The following ANKS3 variants were observed in gnomAD, a reference collection of about 807,000 sequenced individuals.
ANKS3 encodes ankyrin repeat and SAM domain-containing protein 3.
A neutral mutation model predicts 80.7 loss-of-function variants in ANKS3; 62 were observed. The ratio of observed to expected loss-of-function variants is 0.77; its 90% CI spans 0.63 to 0.95. The LOEUF is 0.95. ANKS3 is among the 40% of genes least tolerant of loss of function. The pLI is 0.00. For synonymous variants in ANKS3, 489 were observed against 355.3 expected (o/e 1.38, Z -4.23); for missense variants, 1,150 against 883.6 (o/e 1.30, Z -3.82).
chr16:4,698,675 G>A, intron 13 of ANKS3, 76 bp from the exon 14 acceptor site: 3 of 1,525,672 alleles, frequency 2.0e-6, no homozygotes, highest in Non-Finnish European at 2.6e-6. Context: ...GCCCTGTCCT[G>A]TGTGTGGGGC....
At chr16:4,726,031 A>C (rs1596450928) in intron 5 of ANKS3, among the ~76,000 whole-genome samples, 2 of 145,854 alleles carry the variant, frequency 1.4e-5, no homozygotes, top group East Asian at 4.0e-4. Context: ...GCTGGAGTGC[A>C]GTGGTGCAAT....
chr16:4,699,018 G>C (rs568684634), intron 12 of ANKS3, 34 bp downstream of exon 12: 1 of 1,614,130 alleles, frequency 6.2e-7, no homozygotes, highest in Non-Finnish European at 8.5e-7. Context: ...CCCCAACCCC[G>C]GGCTGAGGGC....
intron 1 of ANKS3, among the ~76,000 whole-genome samples, chr16:4,732,232 G>A (rs536223084): frequency 6.6e-6 from 1 of 152,132 alleles, no homozygotes; most frequent in African/African-American, 2.4e-5. Context: ...TTGCAGGTGA[G>A]AATCCCACCC....
chr16:4,725,282 C>A (rs532526913), intron 5 of ANKS3, among the ~76,000 whole-genome samples: 21 of 152,304 alleles, frequency 1.4e-4, no homozygotes, highest in Non-Finnish European at 2.4e-4. Context: ...GCTCCTGAAG[C>A]TTGCTTTTCA....
intron 10 of ANKS3, 87 bp downstream of exon 10, chr16:4,701,347 T>C (rs917903292): frequency 7.2e-7 from 1 of 1,384,616 alleles, no homozygotes; most frequent in African/African-American, 1.4e-5. Context: ...GCTTCTTACA[T>C]ACATGCTCAT....
chr16:4,700,903 A>G (rs1170604387), intron 11 of ANKS3, 67 bp downstream of exon 11: 19 of 1,589,500 alleles, frequency 1.2e-5, no homozygotes, highest in Non-Finnish European at 1.6e-5. Flanking sequence ...TATACACAAC[A>G]CATGCCTCCT....
At chr16:4,705,552 C>T (rs1239200605) in intron 7 of ANKS3, among the ~76,000 whole-genome samples, 1 of 152,222 alleles carries the variant, frequency 6.6e-6, no homozygotes, top group African/African-American at 2.4e-5. Flanking sequence ...GCAACCTCCG[C>T]CTCCTGGGTT....
intron 11 of ANKS3, 71 bp downstream of exon 11, chr16:4,700,899 C>CAACA: frequency 6.3e-7 from 1 of 1,584,472 alleles, no homozygotes; most frequent in Non-Finnish European, 8.6e-7. Context: ...GTCATATACA[C>CAACA]AACACATGCC....
intron 2 of ANKS3, among the ~76,000 whole-genome samples, chr16:4,730,940 C>G (rs531454564): frequency 6.6e-6 from 1 of 151,980 alleles, no homozygotes; most frequent in East Asian, 1.9e-4. Context: ...CTAACGGGGA[C>G]ATATCTAAAA....
rs544577604 is a variant in ANKS3 at position 4,714,171 on chromosome 16, C to T, written c.589G>A (p.Ala197Thr). ...YFLNHGVKVD[A>T]RDHSGATARM... is the part of the protein sequence containing the mutation. ...GCTGTGGCTCCACTGTGGTCTCTCG[C>T]GTCCACCTTGACTCCCTGTGAATGT... Residue 197 changes from alanine to threonine, a missense_variant, in exon 7 of 18, where the codon GCG (alanine) becomes ACG (threonine). Physicochemically the swap from Ala to Thr is moderately conservative, Grantham distance 58. Transcript: ENST00000304283. 17 of 1,614,108 alleles carry T rather than the reference C, an allele frequency of 1.1e-5. No homozygotes were observed. The highest frequency in any genetic ancestry group is 1.7e-5 in the Admixed American group (1 of 60,010).
Position 4,734,210 on chromosome 16 carries a change from CCAA to C in ANKS3, c.-346_-344del. ...CTCGGGCTGCCGTCGCCAACCCCCC[CCAA>C]ACAGCTCGCCGCCACGCTCCCTCGC... is the stretch of plus-strand genomic sequence containing the variant. On this transcript the variant is annotated 5_prime_UTR_variant, in exon 1 of 18. Transcript: ENST00000304283. 5.6e-6 allele frequency: 1 copy of C among 179,196 alleles called. No individual in the cohort carries two copies. The highest frequency in any genetic ancestry group is 1.1e-5 in the Non-Finnish European group (1 of 92,576). 11.1% of individuals were successfully genotyped at this position (179,196 alleles called of 1,614,324 possible).
chr16:4,727,095 C>T lies in ANKS3; in HGVS notation c.253G>A (p.Val85Met), dbSNP rs1279008065. The change falls in exon 4 of 18, where the codon GTG (valine) becomes ATG (methionine). Residue 85 changes from valine (V) to methionine (M), a missense_variant. Physicochemically the swap from Val to Met is conservative, Grantham distance 21. Coordinates refer to ENST00000304283, the MANE Select transcript of ANKS3 (RefSeq NM_133450.4). ...ACCCCCGCCTCAAGCAGCAGGTGCA[C>T]GATTGTGTCGTGGCCAATGTAGGAG... ...YASYIGHDTI[V>M]HLLLEAGVSV... The T allele has an allele frequency of 4.3e-6, 7 of 1,614,096 alleles. No homozygotes were observed. Among genetic ancestry groups the T allele is most frequent in the African/African-American group, 1.3e-5 (1 of 74,938 alleles).
intron 7 of ANKS3, among the ~76,000 whole-genome samples, chr16:4,712,681 C>T (rs765069677): frequency 3.9e-5 from 6 of 152,134 alleles, no homozygotes; most frequent in Non-Finnish European, 8.8e-5. Flanking sequence ...GCTAAAATAA[C>T]ATATGCCTTC....
At chr16:4,697,924 G>A (rs2079663047) in intron 15 of ANKS3, 53 bp downstream of exon 15, 2 of 1,439,380 alleles carry the variant, frequency 1.4e-6, no homozygotes, top group Admixed American at 5.5e-5. Flanking sequence ...CCTGGCTTCA[G>A]GGCTCCCCCA....
intron 10 of ANKS3, 106 bp downstream of exon 10, chr16:4,701,328 G>A (rs1434364297): frequency 1.3e-5 from 17 of 1,333,092 alleles, no homozygotes; most frequent in African/African-American, 4.4e-5. Context: ...GCACACACGT[G>A]CAGCAGCTGC....
Position 4,702,096 on chromosome 16 carries a change from A to G in ANKS3, c.1009+6T>C. 1 of 1,579,198 alleles carries G rather than the reference A, an allele frequency of 6.3e-7. No individual in the cohort carries two copies. Among genetic ancestry groups the G allele is most frequent in the East Asian group, 2.3e-5 (1 of 42,766 alleles). On this transcript the variant is annotated splice_donor_region_variant and intron_variant, in intron 9 of 17. Coordinates refer to ENST00000304283, the MANE Select transcript of ANKS3 (RefSeq NM_133450.4). ...CCACGGGCCGGATGGGTGGGGGTGCACGTACCCCGACTGCTGCTGCTGCTG... is the reference window on the plus strand; with the variant it reads ...CCACGGGCCGGATGGGTGGGGGTGCGCGTACCCCGACTGCTGCTGCTGCTG...
Position 4,702,193 on chromosome 16 carries a change from G to A in ANKS3, c.918C>T (p.Asn306=). ...GYVTFNSSGE[N]PLEEEGLCCR... ...AGCAGAGGCCCTCTTCTTCCAGGGG[G>A]TTCTCGCCACTGCTGTTGAAGGTGA... Residue 306 remains asparagine, a synonymous_variant, in exon 9 of 18, where the codon AAC becomes AAT. Coordinates refer to ENST00000304283, the MANE Select transcript of ANKS3 (RefSeq NM_133450.4). The A allele has an allele frequency of 1.3e-6, 2 of 1,593,730 alleles. No homozygotes were observed. The highest frequency in any genetic ancestry group is 1.4e-5 in the African/African-American group (1 of 73,642).
intron 7 of ANKS3, among the ~76,000 whole-genome samples, chr16:4,713,499 A>G (rs1295826807): frequency 6.6e-6 from 1 of 152,182 alleles, no homozygotes; most frequent in Admixed American, 6.5e-5. Context: ...CAATAGCGAC[A>G]AAGATGATCA....
At chr16:4,714,449 G>A (rs1466336699) in intron 6 of ANKS3, among the ~76,000 whole-genome samples, 1 of 152,208 alleles carries the variant, frequency 6.6e-6, no homozygotes. Context: ...CCTTGCAGGG[G>A]GCTGGCAGCC....
Sources: gnomAD v4.1 joint callset for allele counts (sites outside exome capture counted in the v4.1 genomes callset) on GRCh38, gnomAD v4.1.1 for gene constraint, MANE v1.5 for transcripts, NCBI Gene and HGNC (gene_info 2026-07-23, HGNC 2026-07-21) for gene names.